SLC15A1: variants seen among roughly 807,000 people sequenced by gnomAD.
The protein encoded by SLC15A1 is Caco-2 oligopeptide transporter.
Under a neutral mutation model 92.9 loss-of-function variants are expected in SLC15A1, and 83 were observed. The observed-to-expected ratio is 0.89, with a 90% CI of 0.75 to 1.07. The LOEUF is 1.07. Among genes scored for constraint, SLC15A1 ranks in the 50% least tolerant of loss-of-function variants. SLC15A1 has a pLI of 0.00. For missense variants in SLC15A1, 857 were observed against 880.1 expected, an observed-to-expected ratio of 0.97 and a Z score of 0.33; for synonymous variants, 322 against 318.2, an observed-to-expected ratio of 1.01 and a Z score of -0.13.
At position 98,721,594 on chromosome 13, in the gene SLC15A1, A is replaced by G. The variant is rs755601377; in HGVS notation, c.466-9T>C. The G allele has an allele frequency of 1.1e-5, 18 of 1,575,906 alleles. No individual in the cohort carries two copies. Among genetic ancestry groups the G allele is most frequent in the Non-Finnish European group, 1.4e-5 (16 of 1,152,432 alleles). ...CTGTTTCTTTGTTTCTCCTGCAATG[A>G]AAAGGAGAAAGTAAGATGACTTTGG... is the stretch of plus-strand genomic sequence containing the variant. On this transcript the variant is annotated splice_polypyrimidine_tract_variant and intron_variant, in intron 6 of 22. Transcript: ENST00000376503.
At chr13:98,697,455 A>G (rs538899876) in intron 18 of SLC15A1, among the ~76,000 whole-genome samples, 1 of 151,996 alleles carries the variant, frequency 6.6e-6, no homozygotes, top group East Asian at 1.9e-4. Flanking sequence ...AGAGGAACGA[A>G]GGAACAAAAA....
At chr13:98,715,770 A>G in intron 9 of SLC15A1, 108 bp downstream of exon 9, 2 of 874,220 alleles carry the variant, frequency 2.3e-6, no homozygotes, top group South Asian at 1.6e-5. Context: ...AGTTAAGAAC[A>G]CTAAAAATAT....
At chr13:98,708,520 G>C (rs919065734) in intron 15 of SLC15A1, among the ~76,000 whole-genome samples, 166 bp downstream of exon 15, 1 of 152,026 alleles carries the variant, frequency 6.6e-6, no homozygotes, top group Non-Finnish European at 1.5e-5. Context: ...CCCACCCACT[G>C]TACCCTCACA....
At chr13:98,725,298 G>A (rs574271517) in intron 4 of SLC15A1, among the ~76,000 whole-genome samples, 38 of 152,260 alleles carry the variant, frequency 2.5e-4, no homozygotes, top group African/African-American at 7.9e-4. Context: ...GACAGCCCAC[G>A]TCATTCCTTT....
chr13:98,703,074 C>G (rs1336471840), intron 17 of SLC15A1, among the ~76,000 whole-genome samples: 1 of 146,142 alleles, frequency 6.8e-6, no homozygotes, highest in Non-Finnish European at 1.5e-5. Flanking sequence ...CTCTTGGGGC[C>G]AAGAGTTTGA....
intron 8 of SLC15A1, among the ~76,000 whole-genome samples, chr13:98,718,078 A>G (rs1475759109): frequency 6.6e-6 from 1 of 152,102 alleles, no homozygotes; most frequent in African/African-American, 2.4e-5. Flanking sequence ...GTTTGGTGCA[A>G]AAGTTATTGC....
chr13:98,687,954 A>T (rs1218235316), intron 20 of SLC15A1, among the ~76,000 whole-genome samples: 3 of 152,220 alleles, frequency 2.0e-5, no homozygotes, highest in African/African-American at 7.2e-5. Context: ...TCATTTTAAA[A>T]CACTGCCCTC....
chr13:98,720,378 G>C (rs7997477), intron 7 of SLC15A1: 71,014 of 152,012 alleles, frequency 0.47, 17,359 homozygotes, highest in Non-Finnish European at 0.55. Flanking sequence ...AGAACATAGA[G>C]GTAGGAGAGG....
Position 98,726,849 on chromosome 13 carries a change from T to C in SLC15A1, c.15A>G (p.Lys5=), listed in dbSNP as rs1482214755. ...AAGGAAAAAGGGTACTCACGTGTGATTTGGACATTCCTAAAAGAAAAACAG... is the reference window on the plus strand; with the variant it reads ...AAGGAAAAAGGGTACTCACGTGTGACTTGGACATTCCTAAAAGAAAAACAG... The part of the protein sequence containing the change: MGMS[K]SHSFFGYPLS... Residue 5 remains lysine, a synonymous_variant, in exon 2 of 23, where the codon AAA becomes AAG. Coordinates refer to ENST00000376503, the MANE Select transcript of SLC15A1 (RefSeq NM_005073.4). 4.3e-6 allele frequency: 7 copies of C among 1,613,470 alleles called. No individual in the cohort carries two copies. The highest frequency in any genetic ancestry group is 5.9e-6 in the Non-Finnish European group (7 of 1,179,330).
chr13:98,693,156 G>GGCACA (rs912135280), intron 18 of SLC15A1, among the ~76,000 whole-genome samples: 3 of 132,618 alleles, frequency 2.3e-5, no homozygotes, highest in Non-Finnish European at 4.6e-5. Flanking sequence ...GGAGAGCCAT[G>GGCACA]GCACAGTCTC....
intron 16 of SLC15A1, 115 bp downstream of exon 16, chr13:98,706,019 T>A: frequency 1.8e-6 from 2 of 1,086,500 alleles, no homozygotes. Flanking sequence ...GATCCTTAGT[T>A]CACTTCTGGG....
In SLC15A1 at chr13:98,712,579, G is replaced by T; in HGVS notation, c.729C>A (p.Ala243=). Reference sequence around the variant, plus strand: ...TCCGATGCCTAAATCTATTTTTGATGGCAAACTGAAGGAAGGAAGAAAAAT... The same window carrying T: ...TCCGATGCCTAAATCTATTTTTGATTGCAAACTGAAGGAAGGAAGAAAAAT... The part of the protein sequence containing the change: ...MGKVAKCIGF[A]IKNRFRHRSK... The change falls in exon 10 of 23, where the codon GCC becomes GCA. Residue 243 remains alanine, a synonymous_variant. Coordinates refer to ENST00000376503, the MANE Select transcript of SLC15A1 (RefSeq NM_005073.4). 6.2e-7 allele frequency: 1 copy of T among 1,604,950 alleles called. No individual in the cohort carries two copies. The highest frequency in any genetic ancestry group is 1.1e-5 in the South Asian group (1 of 88,558).
intron 1 of SLC15A1, among the ~76,000 whole-genome samples, chr13:98,729,555 C>T (rs992327602): frequency 6.6e-6 from 1 of 152,198 alleles, no homozygotes; most frequent in Non-Finnish European, 1.5e-5. Flanking sequence ...TTCCAAACGC[C>T]AGAAAGACCA....
Position 98,708,967 on chromosome 13 carries a change from C to CTTTT in SLC15A1, c.1068-204_1068-201dup, listed in dbSNP as rs61087152. On this transcript the variant is annotated intron_variant, in intron 14 of 22. Coordinates refer to ENST00000376503, the MANE Select transcript of SLC15A1 (RefSeq NM_005073.4). ...ATATAGCTTCTTGTTTGCATATTTA[C>CTTTT]TTTTTTTTTTTTTTTTTTGAGACAG... is the stretch of plus-strand genomic sequence containing the variant. Among the ~76,000 whole-genome samples the CTTTT allele has an allele frequency of 3.9e-4, 49 of 126,714 alleles. 2 individuals are homozygous for CTTTT. Among genetic ancestry groups the CTTTT allele is most frequent in the Middle Eastern group, 4.3e-3 (1 of 234 alleles). 83.1% of individuals were successfully genotyped at this position (126,714 alleles called of 152,430 possible). A position where few individuals can be genotyped will look rare whatever the true frequency, so the allele number is the denominator to read the frequency against.
chr13:98,745,953 G>A (rs1330167526), intron 1 of SLC15A1, among the ~76,000 whole-genome samples: 1 of 151,988 alleles, frequency 6.6e-6, no homozygotes, highest in East Asian at 1.9e-4. Flanking sequence ...GGGTTTTGAT[G>A]CTCAGATTAT....
rs553834743 is a variant in SLC15A1 at position 98,716,448 on chromosome 13, C to T, written c.641-488G>A. Among the ~76,000 whole-genome samples the T allele has an allele frequency of 2.0e-5, 3 of 152,144 alleles. No individual in the cohort carries two copies. In the East Asian group the frequency reaches 5.8e-4, roughly 29 times the overall value. On this transcript the variant is annotated intron_variant, in intron 8 of 22. Coordinates refer to ENST00000376503, the MANE Select transcript of SLC15A1 (RefSeq NM_005073.4). ...ACCAGCCTGACCAACATGGTGAAAA[C>T]CCGTCTCTACTAAAAACACAAAAAT...
intron 1 of SLC15A1, among the ~76,000 whole-genome samples, chr13:98,737,065 T>C (rs1179272770): frequency 6.6e-6 from 1 of 152,244 alleles, no homozygotes; most frequent in Non-Finnish European, 1.5e-5. Context: ...GTGGCACTAT[T>C]CACAATAGCA....
rs140906613 is a variant in SLC15A1 at position 98,712,167 on chromosome 13, C to T, written c.811-224G>A. On this transcript the variant is annotated intron_variant, in intron 10 of 22. Transcript: ENST00000376503. ...AAACATCTATTTAGGAGGTAAATTA[C>T]GTGAATTTACTAAATGTAAATCCCA... Among the ~76,000 whole-genome samples the T allele has an allele frequency of 7.8e-3, 1,187 of 152,212 alleles. 26 individuals carry two copies. Among genetic ancestry groups the T allele is most frequent in the African/African-American group, 0.027 (1,129 of 41,538 alleles).
intron 1 of SLC15A1, among the ~76,000 whole-genome samples, chr13:98,738,896 A>G (rs2088417676): frequency 6.6e-6 from 1 of 152,254 alleles, no homozygotes; most frequent in African/African-American, 2.4e-5. Flanking sequence ...CTCTCAGCAT[A>G]TAAAAGCCAC....
Sources: allele counts gnomAD v4.1 joint callset (sites outside exome capture counted in the v4.1 genomes callset), GRCh38; gene constraint gnomAD v4.1.1; transcripts MANE v1.5; gene names NCBI Gene and HGNC (gene_info 2026-07-23, HGNC 2026-07-21).